ADAMTS19: variants seen among roughly 807,000 people sequenced by gnomAD.
The protein encoded by ADAMTS19 is A disintegrin and metalloproteinase with thrombospondin motifs 19.
In ADAMTS19, 93 loss-of-function variants were observed where a neutral mutation model predicts 153.3. That is an observed-to-expected ratio of 0.61 (90% confidence interval 0.51 to 0.72). ADAMTS19 has a LOEUF of 0.72. ADAMTS19 is among the 30% of genes least tolerant of loss of function. ADAMTS19 has a pLI of 0.00. For missense variants in ADAMTS19, 1,482 were observed against 1,552.1 expected (o/e 0.95, Z 0.76); for synonymous variants, 600 against 556.6 (o/e 1.08, Z -1.10).
At chr5:129,471,823 A>G (rs995436397) in intron 2 of ADAMTS19, among the ~76,000 whole-genome samples, 4 of 152,040 alleles carry the variant, frequency 2.6e-5, no homozygotes, top group Admixed American at 2.0e-4. Context: ...TTCTGTTCCT[A>G]TGTTACTTTG....
chr5:129,726,404 T>C (rs1049721369), intron 21 of ADAMTS19, among the ~76,000 whole-genome samples: 3 of 152,182 alleles, frequency 2.0e-5, no homozygotes, highest in Admixed American at 2.0e-4. Flanking sequence ...AAATTGATGT[T>C]GACATTTTAG....
chr5:129,689,778 A>G (rs905647608), intron 18 of ADAMTS19, among the ~76,000 whole-genome samples: 2 of 152,212 alleles, frequency 1.3e-5, no homozygotes, highest in African/African-American at 2.4e-5. Flanking sequence ...ATTATTTGCC[A>G]AAGAAAATGC....
At chr5:129,546,152 C>T (rs1178740976) in intron 6 of ADAMTS19, among the ~76,000 whole-genome samples, 6 of 148,372 alleles carry the variant, frequency 4.0e-5, no homozygotes, top group Non-Finnish European at 5.9e-5. Flanking sequence ...AACCAAACAC[C>T]GCATATTCTC....
chr5:129,685,066 T>C (rs1755018622), intron 18 of ADAMTS19, among the ~76,000 whole-genome samples: 1 of 152,130 alleles, frequency 6.6e-6, no homozygotes, highest in Non-Finnish European at 1.5e-5. Context: ...AAATGTCTGT[T>C]GGACATCTAA....
chr5:129,462,463 CA>C (rs1351755751), intron 2 of ADAMTS19, among the ~76,000 whole-genome samples: 7 of 152,124 alleles, frequency 4.6e-5, no homozygotes, highest in African/African-American at 1.7e-4. Context: ...AGGAAAGGAG[CA>C]AGGTGGAGAG....
chr5:129,668,003 A>G (rs1431926142), intron 16 of ADAMTS19, among the ~76,000 whole-genome samples: 2 of 152,180 alleles, frequency 1.3e-5, no homozygotes, highest in African/African-American at 4.8e-5. Context: ...ATAGTTCTGT[A>G]GGCCAGAAGT....
intron 10 of ADAMTS19, among the ~76,000 whole-genome samples, chr5:129,624,698 A>G (rs1751944561): frequency 6.6e-6 from 1 of 152,190 alleles, no homozygotes; most frequent in African/African-American, 2.4e-5. Context: ...CATAAATACT[A>G]TTTTACAAGC....
chr5:129,461,852 A>T lies in ADAMTS19; in HGVS notation c.747+95A>T. 2.1e-6 allele frequency: 3 copies of T among 1,430,278 alleles called. No homozygotes were observed. In the South Asian group the frequency reaches 4.8e-5, roughly 23 times the overall value. 88.6% of individuals were successfully genotyped at this position (1,430,278 alleles called of 1,614,324 possible). A position where few individuals can be genotyped will look rare whatever the true frequency, so the allele number is the denominator to read the frequency against. On this transcript the variant is annotated intron_variant, in intron 2 of 22. Transcript: ENST00000274487. This position sits in a 1 kb window ranked among gnomAD's most constrained non-coding sequence, Gnocchi z 4.6. ...ATTTGCATGCACCTTCTCCCCTTTC[A>T]GTGTGCTCCTTTTGAGCTTGGCCCT...
At chr5:129,492,417 GT>G (rs1435983236) in intron 2 of ADAMTS19, among the ~76,000 whole-genome samples, 7 of 152,108 alleles carry the variant, frequency 4.6e-5, no homozygotes, top group Non-Finnish European at 1.0e-4. Context: ...ATTGAGACTG[GT>G]GGTCAAAGAG....
chr5:129,705,217 G>A (rs576637760), intron 21 of ADAMTS19, among the ~76,000 whole-genome samples: 6 of 152,076 alleles, frequency 3.9e-5, no homozygotes, highest in African/African-American at 1.2e-4. Flanking sequence ...CTTTAGATGA[G>A]ACATAATAAA....
intron 7 of ADAMTS19, among the ~76,000 whole-genome samples, chr5:129,571,668 T>C (rs373032778): frequency 6.6e-6 from 1 of 151,786 alleles, no homozygotes; most frequent in Admixed American, 6.6e-5. Flanking sequence ...ATAGACAAGA[T>C]GATTCTAAAA....
intron 7 of ADAMTS19, among the ~76,000 whole-genome samples, chr5:129,582,261 T>A (rs1581110838): frequency 6.6e-6 from 1 of 151,136 alleles, no homozygotes; most frequent in Non-Finnish European, 1.5e-5. Context: ...AGAACTTGCT[T>A]TATGAATCTG....
chr5:129,671,305 A>C (rs1754290562), intron 16 of ADAMTS19, among the ~76,000 whole-genome samples: 1 of 152,154 alleles, frequency 6.6e-6, no homozygotes, highest in Non-Finnish European at 1.5e-5. Context: ...ATAGAGGATA[A>C]AAATTCAAGG....
intron 14 of ADAMTS19, among the ~76,000 whole-genome samples, chr5:129,656,132 T>G (rs1389274270): frequency 6.6e-6 from 1 of 152,144 alleles, no homozygotes; most frequent in Non-Finnish European, 1.5e-5. Flanking sequence ...TAAGCCAAAT[T>G]TTTACAGAGT....
chr5:129,525,600 A>T (rs1159751709), intron 3 of ADAMTS19, among the ~76,000 whole-genome samples: 1 of 152,078 alleles, frequency 6.6e-6, no homozygotes, highest in Non-Finnish European at 1.5e-5. Context: ...GAAATGTTTT[A>T]ATAGAACATT....
At chr5:129,728,376 T>C (rs1341388473) in intron 21 of ADAMTS19, among the ~76,000 whole-genome samples, 1 of 152,188 alleles carries the variant, frequency 6.6e-6, no homozygotes, top group Non-Finnish European at 1.5e-5. Flanking sequence ...TTTTTTTAAA[T>C]TATACTTTAA....
At chr5:129,518,443 T>C (rs190182104) in intron 3 of ADAMTS19, among the ~76,000 whole-genome samples, 5 of 152,268 alleles carry the variant, frequency 3.3e-5, no homozygotes, top group African/African-American at 9.6e-5. Context: ...TTTTCCTTCA[T>C]GTTAGAAGGG....
intron 6 of ADAMTS19, among the ~76,000 whole-genome samples, chr5:129,543,826 G>A (rs929304085): frequency 1.3e-5 from 2 of 152,156 alleles, no homozygotes; most frequent in Non-Finnish European, 2.9e-5. Flanking sequence ...GATACTTCAT[G>A]AAGCAATTCA....
At chr5:129,507,065 T>C in intron 2 of ADAMTS19, among the ~76,000 whole-genome samples, 1 of 151,908 alleles carries the variant, frequency 6.6e-6, no homozygotes, top group Middle Eastern at 3.2e-3. Context: ...GCAATTAAAT[T>C]TTATAAGGTT....
Sources: allele counts gnomAD v4.1 joint callset (sites outside exome capture counted in the v4.1 genomes callset), GRCh38; gene constraint gnomAD v4.1.1; non-coding constraint Gnocchi (gnomAD v3.1); transcripts MANE v1.5; gene names NCBI Gene and HGNC (gene_info 2026-07-23, HGNC 2026-07-21).